ZNF521: variants seen among roughly 807,000 people sequenced by gnomAD.
ZNF521 encodes the protein LYST-interacting protein 3.
Under a neutral mutation model 105.5 loss-of-function variants are expected in ZNF521, and 14 were observed. The observed-to-expected ratio is 0.13, with a 90% CI of 0.09 to 0.21. ZNF521 has a LOEUF of 0.21. ZNF521 is among the 10% of genes least tolerant of loss of function. The probability of loss-of-function intolerance (pLI) is 1.00; values close to 1 mark genes in which losing one functional copy is unlikely to be tolerated. For missense variants in ZNF521, 1,233 were observed against 1,629.7 expected, an observed-to-expected ratio of 0.76 and a Z score of 4.19; for synonymous variants, 635 against 606.0, an observed-to-expected ratio of 1.05 and a Z score of -0.70.
rs368468045 is a variant in ZNF521 at position 25,143,295 on chromosome 18, TTATTATCATG to T, written c.3659-51224_3659-51215del. The stretch of plus-strand genomic sequence containing the variant: ...TAACTGTGAATGCCTAAACAGAAAT[TTATTATCATG>T]TCAAGCTGGTAAGAGACGGGGATAT... On this transcript the variant is annotated intron_variant, in intron 5 of 7. Transcript: ENST00000361524. Among the ~76,000 whole-genome samples, 693 of 152,268 alleles carry T rather than the reference TTATTATCATG, an allele frequency of 4.6e-3. 4 individuals are homozygous for T. The highest frequency in any genetic ancestry group is 0.015 in the African/African-American group (614 of 41,556).
At chr18:25,288,539 G>T (rs1600261531) in intron 3 of ZNF521, among the ~76,000 whole-genome samples, 3 of 129,558 alleles carry the variant, frequency 2.3e-5, no homozygotes, top group Non-Finnish European at 3.1e-5. Context: ...TTCCTCTACT[G>T]TATTCATCAT....
At chr18:25,236,431 G>A (rs1399097792) in intron 3 of ZNF521, among the ~76,000 whole-genome samples, 3 of 151,898 alleles carry the variant, frequency 2.0e-5, no homozygotes, top group Non-Finnish European at 4.4e-5. Flanking sequence ...AGCTACTCAA[G>A]AGGCTGAGGC....
intron 5 of ZNF521, among the ~76,000 whole-genome samples, chr18:25,119,920 C>A (rs1016730328): frequency 6.6e-5 from 10 of 152,026 alleles, no homozygotes; most frequent in African/African-American, 2.4e-4. Context: ...AATTGACAAA[C>A]TTAGCTAAAC....
At chr18:25,195,072 C>T in intron 5 of ZNF521, 88 bp downstream of exon 5, 1 of 1,040,066 alleles carries the variant, frequency 9.6e-7, no homozygotes, top group African/African-American at 1.7e-5. Context: ...GATGGTTGAA[C>T]AATTAATTCA....
rs144062813 is a variant in ZNF521 at position 25,223,280 on chromosome 18, T to C, written c.3573+1065A>G. ...GAGAAGGGGGAAAGTGGCTTCAAAG[T>C]TTGGGAGTTTGCCTGCCACACAGAT... On this transcript the variant is annotated intron_variant, in intron 4 of 7. Coordinates refer to ENST00000361524, the MANE Select transcript of ZNF521 (RefSeq NM_015461.3). Among the ~76,000 whole-genome samples, 436 of 152,104 alleles carry C rather than the reference T, an allele frequency of 2.9e-3. 2 individuals are homozygous for C. The highest frequency in any genetic ancestry group is 1.0e-2 in the African/African-American group (413 of 41,486).
chr18:25,225,419 A>G lies in ZNF521; in HGVS notation c.2499T>C (p.Cys833=), dbSNP rs772933831. ...LLEKHLREKH[C]VFETKTPNCG... ...AGTTGGGTGTCTTGGTTTCGAATAC[A>G]CAGTGTTTTTCTCGCAAGTGTTTTT... Residue 833 remains cysteine (C), a synonymous_variant, in exon 4 of 8, where the codon TGT becomes TGC. Transcript: ENST00000361524. This position sits in a 1 kb window ranked among gnomAD's most constrained non-coding sequence, Gnocchi z 5.6. The G allele has an allele frequency of 1.9e-6, 3 of 1,614,040 alleles. No homozygotes were observed. In the African/African-American group the frequency reaches 4.0e-5, roughly 22 times the overall value.
chr18:25,224,503 G>A lies in ZNF521; in HGVS notation c.3415C>T (p.Arg1139Cys). ...AACTTAACGTTGCAGCTAGAGCAGCGTGTCTTCAGTCCCCCCACCTTGCCT... is the reference window on the plus strand; with the variant it reads ...AACTTAACGTTGCAGCTAGAGCAGCATGTCTTCAGTCCCCCCACCTTGCCT... ...GKGKVGGLKT[R>C]CSSCNVKFES... Residue 1139 changes from arginine to cysteine, a missense_variant, in exon 4 of 8, where the codon CGC (arginine) becomes TGC (cysteine). This residue lies in a region of ZNF521 where 614 missense variants were observed against 751.5 expected (regional missense o/e 0.82). Transcript: ENST00000361524. 2 of 1,613,992 alleles carry A rather than the reference G, an allele frequency of 1.2e-6. No individual in the cohort carries two copies. Among genetic ancestry groups the A allele is most frequent in the Non-Finnish European group, 1.7e-6 (2 of 1,179,978 alleles).
At chr18:25,246,727 G>A (rs896783154) in intron 3 of ZNF521, among the ~76,000 whole-genome samples, 5 of 152,184 alleles carry the variant, frequency 3.3e-5, no homozygotes, top group African/African-American at 1.2e-4. Flanking sequence ...TTTAATGTGA[G>A]CATTGATTTC....
chr18:25,228,935 G>T (rs571833222), intron 3 of ZNF521, among the ~76,000 whole-genome samples: 49 of 152,182 alleles, frequency 3.2e-4, no homozygotes, highest in African/African-American at 1.2e-3. Context: ...CTCTCCAAAG[G>T]AGCACGATTT....
chr18:25,082,439 G>A lies in ZNF521; in HGVS notation c.3906+7026C>T, dbSNP rs545420777. Among the ~76,000 whole-genome samples the A allele has an allele frequency of 2.6e-5, 4 of 152,232 alleles. No individual in the cohort carries two copies. In the East Asian group the frequency reaches 5.8e-4, roughly 22 times the overall value. Reference sequence around the variant, plus strand: ...CCCGGATATGCCAGATCTAGATGTGGTGATGGGCAAATATTTCCAACCCAG... The same window carrying A: ...CCCGGATATGCCAGATCTAGATGTGATGATGGGCAAATATTTCCAACCCAG... On this transcript the variant is annotated intron_variant, in intron 7 of 7. Coordinates refer to ENST00000361524, the MANE Select transcript of ZNF521 (RefSeq NM_015461.3).
chr18:25,332,689 T>A (rs1440407641), intron 2 of ZNF521, among the ~76,000 whole-genome samples: 1 of 152,206 alleles, frequency 6.6e-6, no homozygotes, highest in Non-Finnish European at 1.5e-5. Context: ...CACAAAATAA[T>A]TCCTTAGGTG....
At chr18:25,129,202 T>A (rs1206344207) in intron 5 of ZNF521, among the ~76,000 whole-genome samples, 1 of 150,562 alleles carries the variant, frequency 6.6e-6, no homozygotes, top group African/African-American at 2.4e-5. Flanking sequence ...ATGGTGAAAG[T>A]ATAATTTCCT....
chr18:25,120,146 C>T (rs1202924893), intron 5 of ZNF521, among the ~76,000 whole-genome samples: 1 of 152,138 alleles, frequency 6.6e-6, no homozygotes, highest in Admixed American at 6.5e-5. Flanking sequence ...GAAAGGTAGA[C>T]ACAATTCCAG....
At chr18:25,076,721 T>G (rs1045688316) in intron 7 of ZNF521, among the ~76,000 whole-genome samples, 1 of 152,214 alleles carries the variant, frequency 6.6e-6, no homozygotes, top group Non-Finnish European at 1.5e-5. Context: ...ACCTCCAATA[T>G]TGGAATTTGA....
At chr18:25,089,628 T>C (rs2033701469) in intron 6 of ZNF521, 48 bp from the exon 7 acceptor site, 2 of 1,503,336 alleles carry the variant, frequency 1.3e-6, no homozygotes, top group Non-Finnish European at 1.9e-6. Flanking sequence ...GTTTCCGAAA[T>C]GCCCTCAGTC....
chr18:25,100,485 T>C (rs1182362439), intron 5 of ZNF521, among the ~76,000 whole-genome samples: 1 of 151,886 alleles, frequency 6.6e-6, no homozygotes. Flanking sequence ...ATATCTGCAA[T>C]GGCACATGGG....
intron 7 of ZNF521, among the ~76,000 whole-genome samples, chr18:25,078,989 C>G (rs567686317): frequency 1.3e-5 from 2 of 152,334 alleles, no homozygotes; most frequent in African/African-American, 4.8e-5. Flanking sequence ...ACCATCTTGG[C>G]TTCTTTCACT....
At chr18:25,242,902 C>A (rs560848107) in intron 3 of ZNF521, among the ~76,000 whole-genome samples, 359 of 152,298 alleles carry the variant, frequency 2.4e-3, no homozygotes, top group African/African-American at 8.1e-3. Context: ...TACGCAATGC[C>A]ATCGTGTTAC....
intron 3 of ZNF521, among the ~76,000 whole-genome samples, chr18:25,238,648 C>T (rs887936034): frequency 6.6e-6 from 1 of 152,184 alleles, no homozygotes; most frequent in African/African-American, 2.4e-5. Context: ...ATGAAGGATC[C>T]TTCTCACCTA....
Sources: allele counts gnomAD v4.1 joint callset (sites outside exome capture counted in the v4.1 genomes callset), GRCh38; gene constraint gnomAD v4.1.1; regional missense constraint gnomAD v4.1.1; non-coding constraint Gnocchi (gnomAD v3.1); transcripts MANE v1.5; gene names NCBI Gene and HGNC (gene_info 2026-07-23, HGNC 2026-07-21).